The following EYA3 variants were observed in gnomAD, a reference collection of about 807,000 sequenced individuals.
The protein encoded by EYA3 is protein phosphatase EYA3.
A neutral mutation model predicts 80.0 loss-of-function variants in EYA3; 39 were observed. The ratio of observed to expected loss-of-function variants is 0.49; its 90% CI spans 0.38 to 0.64. EYA3 has a LOEUF of 0.64. Ranked by LOEUF, EYA3 falls within the 30% of genes least tolerant of loss-of-function variation. EYA3 has a pLI of 0.00. For synonymous variants in EYA3, 206 were observed against 232.8 expected, an observed-to-expected ratio of 0.88 and a Z score of 1.05; for missense variants, 523 against 676.1, an observed-to-expected ratio of 0.77 and a Z score of 2.51.
intron 17 of EYA3, 67 bp from the exon 18 acceptor site, chr1:27,974,613 T>C (rs1224182627): frequency 7.3e-7 from 1 of 1,376,182 alleles, no homozygotes; most frequent in South Asian, 1.2e-5. Flanking sequence ...TATTTGCCCA[T>C]ACTCTTTCCT....
intron 1 of EYA3, among the ~76,000 whole-genome samples, chr1:28,068,334 CAAA>C (rs34643708): frequency 3.8e-5 from 5 of 130,714 alleles, no homozygotes; most frequent in Non-Finnish European, 3.3e-5. Context: ...ACTCCCATCT[CAAA>C]AAAAAAAAAA....
chr1:27,989,201 C>T (rs759511484), intron 15 of EYA3, among the ~76,000 whole-genome samples: 3 of 152,152 alleles, frequency 2.0e-5, no homozygotes, highest in Admixed American at 6.5e-5. Flanking sequence ...TACTGCTTTG[C>T]GGGAGGGAGT....
chr1:28,071,261 A>C (rs1645013251), intron 1 of EYA3, among the ~76,000 whole-genome samples: 1 of 152,104 alleles, frequency 6.6e-6, no homozygotes, highest in South Asian at 2.1e-4. Context: ...TAGGGAAAAA[A>C]ATTACTGCTA....
intron 1 of EYA3, among the ~76,000 whole-genome samples, chr1:28,084,780 T>C (rs573048867): frequency 6.6e-6 from 1 of 151,176 alleles, no homozygotes; most frequent in Non-Finnish European, 1.5e-5. Flanking sequence ...AGCTAATTTT[T>C]TGTATTTTAG....
intron 5 of EYA3, 102 bp from the exon 6 acceptor site, chr1:28,035,782 G>A: frequency 9.0e-7 from 1 of 1,108,908 alleles, no homozygotes; most frequent in Middle Eastern, 2.8e-4. Flanking sequence ...TCTGCAACAA[G>A]GAGACTAATC....
intron 1 of EYA3, among the ~76,000 whole-genome samples, chr1:28,079,408 T>G (rs1645341170): frequency 6.6e-6 from 1 of 152,198 alleles, no homozygotes; most frequent in South Asian, 2.1e-4. Flanking sequence ...CTCAGTCCTC[T>G]TTTTTTGGTT....
At chr1:28,080,469 C>T (rs1052123835) in intron 1 of EYA3, among the ~76,000 whole-genome samples, 4 of 152,048 alleles carry the variant, frequency 2.6e-5, no homozygotes, top group Admixed American at 2.0e-4. Context: ...AAAAAACAAA[C>T]AAACAAACAA....
intron 7 of EYA3, among the ~76,000 whole-genome samples, chr1:28,021,965 GTGACTAATATAAC>G (rs1642467032): frequency 1.3e-5 from 2 of 152,094 alleles, no homozygotes; most frequent in Admixed American, 1.3e-4. Flanking sequence ...CTCTCATTAT[GTGACTAATATAAC>G]TGACAATTCC....
Position 28,013,144 on chromosome 1 carries a change from C to T in EYA3, c.736G>A (p.Ala246Thr). The T allele has an allele frequency of 6.2e-7, 1 of 1,613,810 alleles. No individual in the cohort carries two copies. Among genetic ancestry groups the T allele is most frequent in the East Asian group, 2.2e-5 (1 of 44,880 alleles). The change falls in exon 9 of 18, where the codon GCG becomes ACG. Residue 246 changes from alanine to threonine, a missense_variant. Physicochemically the swap from Ala to Thr is moderately conservative, Grantham distance 58. Around this residue, in one of 2 missense-constraint regions of EYA3, gnomAD observed 304 missense variants for 343.3 expected, o/e 0.89. Transcript: ENST00000373871. The surrounding 1 kb of genome is among the most constrained non-coding windows in gnomAD (Gnocchi z 4.0). ...AGTCTCTGTGCTGCAGGTGCAGGCGCCATGACACTAGGCTTCTCCGACTGG... is the reference window on the plus strand; with the variant it reads ...AGTCTCTGTGCTGCAGGTGCAGGCGTCATGACACTAGGCTTCTCCGACTGG... ...TYQSEKPSVM[A>T]PAPAAQRLSS... is the part of the protein sequence containing the mutation.
At chr1:28,003,833 T>C (rs1467332330) in intron 11 of EYA3, among the ~76,000 whole-genome samples, 1 of 152,164 alleles carries the variant, frequency 6.6e-6, no homozygotes, top group East Asian at 1.9e-4. Flanking sequence ...AAAACTGATA[T>C]GTACACTGAA....
At chr1:28,071,140 T>G (rs1324894630) in intron 1 of EYA3, among the ~76,000 whole-genome samples, 5 of 152,146 alleles carry the variant, frequency 3.3e-5, no homozygotes, top group South Asian at 4.1e-4. Flanking sequence ...GCCAGGCTGG[T>G]CTCGAATTCC....
intron 3 of EYA3, among the ~76,000 whole-genome samples, chr1:28,044,024 G>A (rs986260917): frequency 6.6e-6 from 1 of 151,952 alleles, no homozygotes; most frequent in Non-Finnish European, 1.5e-5. Flanking sequence ...TAACTTATAA[G>A]GAAAATTAAG....
At chr1:28,053,763 T>C (rs1644352004) in intron 2 of EYA3, among the ~76,000 whole-genome samples, 1 of 152,190 alleles carries the variant, frequency 6.6e-6, no homozygotes, top group Non-Finnish European at 1.5e-5. Flanking sequence ...ATTGTTAAAT[T>C]TTAGTGTTAT....
At chr1:28,055,315 T>C (rs958427030) in intron 2 of EYA3, among the ~76,000 whole-genome samples, 14 of 152,168 alleles carry the variant, frequency 9.2e-5, no homozygotes, top group Admixed American at 9.2e-4. Context: ...CCCTCATCTG[T>C]GGATAAGATT....
chr1:28,007,220 G>T (rs1034953419), intron 10 of EYA3, among the ~76,000 whole-genome samples: 1 of 151,830 alleles, frequency 6.6e-6, no homozygotes, highest in Admixed American at 6.6e-5. Context: ...GATTAGAGGC[G>T]TGAGCCACTG....
intron 7 of EYA3, among the ~76,000 whole-genome samples, chr1:28,019,848 G>A (rs1571817986): frequency 6.6e-6 from 1 of 151,902 alleles, no homozygotes; most frequent in East Asian, 1.9e-4. Flanking sequence ...TTACAGACAT[G>A]CACCACCAAG....
At chr1:27,993,691 T>G in intron 13 of EYA3, 131 bp from the exon 14 acceptor site, 1 of 653,052 alleles carries the variant, frequency 1.5e-6, no homozygotes, top group South Asian at 2.7e-5. Flanking sequence ...CCTTAATCTC[T>G]GTATGTCAGA....
At chr1:28,086,123 G>A (rs1221553772) in intron 1 of EYA3, among the ~76,000 whole-genome samples, 2 of 151,896 alleles carry the variant, frequency 1.3e-5, no homozygotes, top group African/African-American at 4.8e-5. Context: ...CCAGCCTACA[G>A]CTTTAATGGA....
At chr1:28,031,345 T>G (rs1011290652) in intron 6 of EYA3, among the ~76,000 whole-genome samples, 1 of 152,178 alleles carries the variant, frequency 6.6e-6, no homozygotes, top group Non-Finnish European at 1.5e-5. Flanking sequence ...GCACTATTGC[T>G]CATAGTAAAC....
Sources: gnomAD v4.1 joint callset for allele counts (sites outside exome capture counted in the v4.1 genomes callset) on GRCh38, gnomAD v4.1.1 for gene constraint, gnomAD v4.1.1 regional missense constraint, Gnocchi (gnomAD v3.1) non-coding constraint, MANE v1.5 for transcripts, NCBI Gene and HGNC (gene_info 2026-07-23, HGNC 2026-07-21) for gene names.